Variants in GABRA3 observed in about 807,000 individuals in gnomAD.
The protein encoded by GABRA3 is gamma-aminobutyric acid receptor subunit alpha-3.
Under a neutral mutation model 30.1 loss-of-function variants are expected in GABRA3, and 10 were observed. The observed-to-expected ratio is 0.33, with a 90% CI of 0.20 to 0.56. The LOEUF (loss-of-function observed/expected upper bound fraction) is 0.56. Among genes scored for constraint, GABRA3 ranks in the 20% least tolerant of loss-of-function variants. The pLI is 0.89. For synonymous variants in GABRA3, 151 were observed against 146.8 expected (o/e 1.03, Z -0.21); for missense variants, 233 against 392.0 (o/e 0.59, Z 3.42).
intron 3 of GABRA3, among the ~76,000 whole-genome samples, chrX:152,328,468 G>A (rs985305511): frequency 5.4e-5 from 6 of 111,595 alleles, no homozygotes; most frequent in African/African-American, 1.3e-4. Flanking sequence ...CTGGCAAACC[G>A]AATCCAGCAG....
chrX:152,444,733 T>G (rs1186335957), intron 1 of GABRA3, among the ~76,000 whole-genome samples: 4 of 64,147 alleles, frequency 6.2e-5, no homozygotes, highest in Non-Finnish European at 1.1e-4. Flanking sequence ...AATACTTGTG[T>G]GTTTTTTTTT....
chrX:152,195,055 C>T (rs772623618), intron 8 of GABRA3, among the ~76,000 whole-genome samples: 6 of 112,348 alleles, frequency 5.3e-5, no homozygotes, highest in African/African-American at 1.3e-4. Flanking sequence ...CTGCCACTCC[C>T]GGTCTGTCTA....
intron 4 of GABRA3, among the ~76,000 whole-genome samples, chrX:152,278,936 C>T (rs755009360): frequency 0.023 from 2,610 of 111,446 alleles, 38 homozygotes; most frequent in Middle Eastern, 0.074. Context: ...TCATATCCTT[C>T]GCCCACTTGT....
chrX:152,223,004 A>T (rs1205135739), intron 6 of GABRA3, among the ~76,000 whole-genome samples: 1 of 111,139 alleles, frequency 9.0e-6, no homozygotes, highest in African/African-American at 3.3e-5. Context: ...CATTAATTTG[A>T]GATGTTTCAG....
At chrX:152,273,959 T>C (rs1266570007) in intron 4 of GABRA3, among the ~76,000 whole-genome samples, 2 of 111,892 alleles carry the variant, frequency 1.8e-5, no homozygotes, top group Non-Finnish European at 1.9e-5. Context: ...CTATATGCTA[T>C]GTACATACAA....
intron 9 of GABRA3, among the ~76,000 whole-genome samples, chrX:152,172,684 A>G (rs1937017841): frequency 8.9e-6 from 1 of 112,052 alleles, no homozygotes; most frequent in Non-Finnish European, 1.9e-5. Context: ...ATGCTAAATG[A>G]AATAAGCCAG....
intron 5 of GABRA3, among the ~76,000 whole-genome samples, chrX:152,226,605 AG>A (rs1254051633): frequency 5.4e-5 from 6 of 111,755 alleles, no homozygotes; most frequent in African/African-American, 1.9e-4. Context: ...AACCTACAAA[AG>A]GGGAGAAAAT....
At chrX:152,185,169 T>C (rs1342810037) in intron 9 of GABRA3, among the ~76,000 whole-genome samples, 3 of 111,494 alleles carry the variant, frequency 2.7e-5, no homozygotes, top group African/African-American at 9.8e-5. Flanking sequence ...ACTTCAAATT[T>C]TTTTCTGTTG....
At chrX:152,389,083 T>C (rs985854195) in intron 1 of GABRA3, among the ~76,000 whole-genome samples, 3 of 112,194 alleles carry the variant, frequency 2.7e-5, no homozygotes, top group African/African-American at 9.7e-5. Context: ...CAGAAGGAGA[T>C]GTCACTAATG....
chrX:152,434,077 A>G (rs994364357), intron 1 of GABRA3, among the ~76,000 whole-genome samples: 1 of 111,700 alleles, frequency 9.0e-6, no homozygotes, highest in African/African-American at 3.3e-5. Context: ...GTGATGGTCA[A>G]TACTGAGTGT....
rs187358511 is a variant in GABRA3, at chrX:152,408,982, T to G, written c.-27+42164A>C. Among the ~76,000 whole-genome samples the G allele has an allele frequency of 6.9e-3, 770 of 111,779 alleles. 10 individuals are homozygous for G. Among genetic ancestry groups the G allele is most frequent in the African/African-American group, 0.023 (719 of 30,770 alleles). ...CATACACTGGGACAAGGACACCCCT[T>G]CAATATATGTTGCTGAGAAAACTGG... On this transcript the variant is annotated intron_variant, in intron 1 of 9. Coordinates refer to ENST00000370314, the MANE Select transcript of GABRA3 (RefSeq NM_000808.4).
chrX:152,312,956 G>A (rs1196471742), intron 3 of GABRA3, among the ~76,000 whole-genome samples: 1 of 111,600 alleles, frequency 9.0e-6, no homozygotes, highest in Non-Finnish European at 1.9e-5. Flanking sequence ...GGTGTGAGAT[G>A]GTATTATATA....
intron 3 of GABRA3, among the ~76,000 whole-genome samples, chrX:152,331,496 T>C (rs183950178): frequency 4.2e-4 from 47 of 111,820 alleles, no homozygotes; most frequent in Admixed American, 3.7e-3. Context: ...GCAGAGTAAT[T>C]CAGTAATGAG....
intron 3 of GABRA3, among the ~76,000 whole-genome samples, chrX:152,309,277 G>A (rs1939765733): frequency 9.0e-6 from 1 of 111,473 alleles, no homozygotes; most frequent in Non-Finnish European, 1.9e-5. Flanking sequence ...TCAAATTCAG[G>A]AAATTTATAG....
chrX:152,231,150 T>C (rs1158995180), intron 5 of GABRA3, among the ~76,000 whole-genome samples: 1 of 98,812 alleles, frequency 1.0e-5, no homozygotes, highest in Non-Finnish European at 1.9e-5. Flanking sequence ...TGTATATATA[T>C]ATATACACAC....
intron 1 of GABRA3, among the ~76,000 whole-genome samples, chrX:152,417,870 T>A: frequency 1.3e-5 from 1 of 74,512 alleles, no homozygotes; most frequent in African/African-American, 5.3e-5. Flanking sequence ...CTCCAGGGAC[T>A]GTTGTGGGGT....
intron 9 of GABRA3, among the ~76,000 whole-genome samples, chrX:152,179,848 T>C (rs147876595): frequency 1.3e-3 from 149 of 111,634 alleles, no homozygotes; most frequent in Middle Eastern, 4.6e-3. Context: ...ATTTCATTTA[T>C]AGTAATGTTC....
intron 3 of GABRA3, among the ~76,000 whole-genome samples, chrX:152,337,240 C>T (rs2124477047): frequency 9.0e-6 from 1 of 111,524 alleles, no homozygotes; most frequent in East Asian, 2.8e-4. Context: ...TCCTAGCTGT[C>T]TTGAAATAGA....
rs1936958259 is a variant in GABRA3 at position 152,168,120 on chromosome X, G to A, written c.*108C>T. 1.7e-6 allele frequency: 1 copy of A among 573,850 alleles called. No homozygotes were observed. Among genetic ancestry groups the A allele is most frequent in the Non-Finnish European group, 2.9e-6 (1 of 346,987 alleles). 47.3% of individuals were successfully genotyped at this position (573,850 alleles called of 1,213,427 possible). A position where few individuals can be genotyped will look rare whatever the true frequency, so the allele number is the denominator to read the frequency against. ...GAATTGAGGGTCACAGCTTGGTAGA[G>A]GGGTAAAAAGGAGAATCCTGAAATA... On this transcript the variant is annotated 3_prime_UTR_variant, in exon 10 of 10. Coordinates refer to ENST00000370314, the MANE Select transcript of GABRA3 (RefSeq NM_000808.4).
Sources: allele counts gnomAD v4.1 joint callset (sites outside exome capture counted in the v4.1 genomes callset), GRCh38; gene constraint gnomAD v4.1.1; transcripts MANE v1.5; gene names NCBI Gene and HGNC (gene_info 2026-07-23, HGNC 2026-07-21).